Variants in HS6ST3 observed in about 807,000 individuals in gnomAD.
HS6ST3 encodes heparan sulfate 6-O-sulfotransferase 3.
Under a neutral mutation model 36.7 loss-of-function variants are expected in HS6ST3, and 12 were observed. The ratio of observed to expected loss-of-function variants is 0.33; its 90% CI spans 0.21 to 0.53. The LOEUF is 0.53. Among genes scored for constraint, HS6ST3 ranks in the 20% least tolerant of loss-of-function variants. HS6ST3 has a pLI of 0.95. For missense variants in HS6ST3, 584 were observed against 640.9 expected (o/e 0.91, Z 0.96); for synonymous variants, 240 against 257.5 (o/e 0.93, Z 0.65).
intron 1 of HS6ST3, among the ~76,000 whole-genome samples, chr13:96,612,650 C>A (rs2056460692): frequency 6.6e-6 from 1 of 152,136 alleles, no homozygotes; most frequent in African/African-American, 2.4e-5. Context: ...TTGATACCAA[C>A]TACATGGCTC....
At chr13:96,424,953 AT>A (rs1046548538) in intron 1 of HS6ST3, among the ~76,000 whole-genome samples, 6 of 152,186 alleles carry the variant, frequency 3.9e-5, no homozygotes, top group African/African-American at 1.4e-4. Flanking sequence ...GGGATGTGTA[AT>A]TCTGGAATAT....
chr13:96,638,560 T>G (rs2139005047), intron 1 of HS6ST3, among the ~76,000 whole-genome samples: 1 of 152,078 alleles, frequency 6.6e-6, no homozygotes, highest in South Asian at 2.1e-4. Flanking sequence ...ACCCCTATGC[T>G]GCTGTTCTTG....
rs568621903 is a variant in HS6ST3 at position 96,359,773 on chromosome 13, T to G, written c.707+268204T>G. Among the ~76,000 whole-genome samples the G allele has an allele frequency of 2.3e-3, 355 of 152,222 alleles. 1 individual carries two copies. Among genetic ancestry groups the G allele is most frequent in the Non-Finnish European group, 4.0e-3 (274 of 67,986 alleles). On this transcript the variant is annotated intron_variant, in intron 1 of 1. Coordinates refer to ENST00000376705, the MANE Select transcript of HS6ST3 (RefSeq NM_153456.4). ...ACTGCAGGCACTGAAAAACTTCAGA[T>G]TTGGCCTTAGAAGATAGGGCAGGAG...
intron 1 of HS6ST3, among the ~76,000 whole-genome samples, chr13:96,720,494 A>G (rs1450933792): frequency 6.6e-6 from 1 of 151,074 alleles, no homozygotes; most frequent in East Asian, 1.9e-4. Context: ...TGGGGGTCGG[A>G]AAAAAAAATG....
intron 1 of HS6ST3, among the ~76,000 whole-genome samples, chr13:96,420,929 C>G (rs755766396): frequency 3.9e-5 from 6 of 151,996 alleles, no homozygotes; most frequent in Non-Finnish European, 7.4e-5. Flanking sequence ...CCAGTTTGAC[C>G]TTTTTTCCTA....
intron 1 of HS6ST3, among the ~76,000 whole-genome samples, chr13:96,251,783 G>T (rs895860316): frequency 5.9e-5 from 9 of 151,798 alleles, no homozygotes; most frequent in Non-Finnish European, 8.8e-5. Context: ...GATATTTTTT[G>T]ATTTCCCTTT....
At chr13:96,652,321 G>T (rs1340192678) in intron 1 of HS6ST3, among the ~76,000 whole-genome samples, 1 of 151,720 alleles carries the variant, frequency 6.6e-6, no homozygotes, top group Non-Finnish European at 1.5e-5. Flanking sequence ...ATATGTATTT[G>T]CTATGCAGTC....
intron 1 of HS6ST3, among the ~76,000 whole-genome samples, chr13:96,532,047 A>T (rs376059582): frequency 1.3e-5 from 2 of 152,270 alleles, no homozygotes; most frequent in East Asian, 3.9e-4. Flanking sequence ...TGGTCACCTG[A>T]GCCCTACCTG....
intron 1 of HS6ST3, among the ~76,000 whole-genome samples, chr13:96,181,084 CTAATT>C (rs990024119): frequency 1.9e-4 from 29 of 151,748 alleles, no homozygotes; most frequent in African/African-American, 6.0e-4. Flanking sequence ...TAGTGGCTGA[CTAATT>C]TAAGTTGTTC....
intron 1 of HS6ST3, among the ~76,000 whole-genome samples, chr13:96,558,973 T>C (rs1193215673): frequency 6.6e-6 from 1 of 152,184 alleles, no homozygotes; most frequent in Non-Finnish European, 1.5e-5. Flanking sequence ...GGTGGGCTTG[T>C]GTTTTTTTAA....
chr13:96,625,297 G>A (rs780545541), intron 1 of HS6ST3, among the ~76,000 whole-genome samples: 2 of 152,130 alleles, frequency 1.3e-5, no homozygotes, highest in African/African-American at 2.4e-5. Flanking sequence ...TGCTGACTTG[G>A]GCTGGTTTCC....
chr13:96,115,220 A>C (rs1057374097), intron 1 of HS6ST3, among the ~76,000 whole-genome samples: 2 of 152,214 alleles, frequency 1.3e-5, no homozygotes, highest in African/African-American at 2.4e-5. Flanking sequence ...TGGAGCTGAC[A>C]TACTTCCAAG....
chr13:96,375,542 A>G (rs1352212307), intron 1 of HS6ST3, among the ~76,000 whole-genome samples: 3 of 152,174 alleles, frequency 2.0e-5, no homozygotes, highest in Non-Finnish European at 4.4e-5. Flanking sequence ...ATAAATTATC[A>G]TCATCTCTCT....
In HS6ST3 at chr13:96,836,501, G is replaced by GAGGC. The variant is rs1289558209; in HGVS notation, c.*3305_*3308dup. On this transcript the variant is annotated 3_prime_UTR_variant, in exon 2 of 2. Coordinates refer to ENST00000376705, the MANE Select transcript of HS6ST3 (RefSeq NM_153456.4). ...TTAACAATCAGTGTTAGACAACAGT[G>GAGGC]AGGCATATCATGTGTTTTTATTAAA... is the stretch of plus-strand genomic sequence containing the variant. 3.9e-5 allele frequency: 6 copies of GAGGC among 152,288 alleles called. No homozygotes were observed. The highest frequency in any genetic ancestry group is 1.4e-4 in the African/African-American group (6 of 41,550). 9.4% of individuals were successfully genotyped at this position (152,288 alleles called of 1,614,324 possible).
At chr13:96,552,215 T>C (rs2138949203) in intron 1 of HS6ST3, among the ~76,000 whole-genome samples, 2 of 152,350 alleles carry the variant, frequency 1.3e-5, no homozygotes, top group South Asian at 4.1e-4. Context: ...AGGATGATAT[T>C]TTTAATGTCC....
intron 1 of HS6ST3, among the ~76,000 whole-genome samples, chr13:96,797,979 G>C (rs1336636799): frequency 6.6e-6 from 1 of 151,978 alleles, no homozygotes; most frequent in Non-Finnish European, 1.5e-5. Context: ...CCACACTTCT[G>C]ATGCAATTCA....
intron 1 of HS6ST3, among the ~76,000 whole-genome samples, chr13:96,580,615 A>AT (rs2056338585): frequency 1.3e-5 from 2 of 152,050 alleles, no homozygotes; most frequent in Non-Finnish European, 2.9e-5. Context: ...GTGTGGAAAG[A>AT]TTTTTTTGAT....
chr13:96,510,779 C>T (rs1481201630), intron 1 of HS6ST3, among the ~76,000 whole-genome samples: 1 of 152,038 alleles, frequency 6.6e-6, no homozygotes, highest in Non-Finnish European at 1.5e-5. Flanking sequence ...TCACTCAGCC[C>T]CACAGATAAG....
chr13:96,802,366 C>G (rs1348155111), intron 1 of HS6ST3, among the ~76,000 whole-genome samples: 3 of 152,196 alleles, frequency 2.0e-5, no homozygotes, highest in Non-Finnish European at 4.4e-5. Flanking sequence ...CAGAATATCT[C>G]TGTCTGTACA....
Sources: gnomAD v4.1 joint callset for allele counts (sites outside exome capture counted in the v4.1 genomes callset) on GRCh38, gnomAD v4.1.1 for gene constraint, MANE v1.5 for transcripts, NCBI Gene and HGNC (gene_info 2026-07-23, HGNC 2026-07-21) for gene names.